RPS6KC1: variants seen among roughly 807,000 people sequenced by gnomAD.
The protein encoded by RPS6KC1 is inactive ribosomal protein S6 kinase delta-1.
Under a neutral mutation model 103.8 loss-of-function variants are expected in RPS6KC1, and 54 were observed. The ratio of observed to expected loss-of-function variants is 0.52; its 90% CI spans 0.42 to 0.65. The LOEUF is 0.65. Ranked by LOEUF, RPS6KC1 falls within the 30% of genes least tolerant of loss-of-function variation. The pLI is 0.00. For synonymous variants in RPS6KC1, 439 were observed against 438.7 expected, an observed-to-expected ratio of 1.00 and a Z score of -0.01; for missense variants, 1,151 against 1,253.8, an observed-to-expected ratio of 0.92 and a Z score of 1.24.
the RPS6KC1 span, among the ~76,000 whole-genome samples, chr1:213,445,577 T>G: frequency 1.3e-5 from 2 of 152,062 alleles, no homozygotes; most frequent in East Asian, 3.9e-4. Flanking sequence ...GGACTTAGAG[T>G]GCAGGAAGCA....
At chr1:213,517,634 G>C in the RPS6KC1 span, among the ~76,000 whole-genome samples, 1 of 152,180 alleles carries the variant, frequency 6.6e-6, no homozygotes, top group African/African-American at 2.4e-5. Flanking sequence ...TTGCTGAGGA[G>C]TGCTTTACTT....
the RPS6KC1 span, among the ~76,000 whole-genome samples, chr1:213,374,022 G>C: frequency 6.6e-6 from 1 of 152,140 alleles, no homozygotes; most frequent in Non-Finnish European, 1.5e-5. Context: ...AATAAGAGTG[G>C]CATGTATAAG....
At chr1:213,193,125 C>T (rs61834139) in intron 8 of RPS6KC1, among the ~76,000 whole-genome samples, 1,807 of 150,714 alleles carry the variant, frequency 0.012, 11 homozygotes, top group East Asian at 0.026. Flanking sequence ...GCCATATGGT[C>T]TGTCCTTGAA....
chr1:213,499,843 A>G, the RPS6KC1 span, among the ~76,000 whole-genome samples: 1 of 152,252 alleles, frequency 6.6e-6, no homozygotes, highest in Non-Finnish European at 1.5e-5. Flanking sequence ...AAGTATTTGC[A>G]TATTTAAACA....
chr1:213,620,200 T>G, the RPS6KC1 span, among the ~76,000 whole-genome samples: 1 of 152,246 alleles, frequency 6.6e-6, no homozygotes, highest in East Asian at 1.9e-4. Context: ...CACCACTTTA[T>G]TATATTTCCC....
the RPS6KC1 span, among the ~76,000 whole-genome samples, chr1:213,408,985 G>T: frequency 6.6e-6 from 1 of 152,076 alleles, no homozygotes; most frequent in Non-Finnish European, 1.5e-5. Context: ...TCACTGGAAG[G>T]TCTTCCTCTG....
At chr1:213,095,641 G>T (rs993388212) in intron 3 of RPS6KC1, among the ~76,000 whole-genome samples, 2 of 152,158 alleles carry the variant, frequency 1.3e-5, no homozygotes, top group East Asian at 3.8e-4. Context: ...ATACCTCAGA[G>T]ATATTGCAGA....
At chr1:213,432,620 C>A in the RPS6KC1 span, among the ~76,000 whole-genome samples, 164 of 152,228 alleles carry the variant, frequency 1.1e-3, 1 homozygote, top group Middle Eastern at 6.8e-3. Flanking sequence ...AATGGGACAA[C>A]CTTCCACCTC....
chr1:213,306,763 C>T, the RPS6KC1 span, among the ~76,000 whole-genome samples: 12 of 152,276 alleles, frequency 7.9e-5, no homozygotes, highest in African/African-American at 2.9e-4. Flanking sequence ...AAGAGCTCAG[C>T]GGTCCATTCA....
At chr1:213,051,856 T>C (rs566390526) in intron 1 of RPS6KC1, among the ~76,000 whole-genome samples, 1 of 152,330 alleles carries the variant, frequency 6.6e-6, no homozygotes, top group Non-Finnish European at 1.5e-5. Flanking sequence ...AGGAAGATAA[T>C]GCAGATTAAA....
chr1:213,450,333 A>ATTT, the RPS6KC1 span, among the ~76,000 whole-genome samples: 5 of 138,052 alleles, frequency 3.6e-5, no homozygotes, highest in African/African-American at 1.3e-4. Context: ...GAGTTTGTAG[A>ATTT]TTTTTTTTTT....
the RPS6KC1 span, among the ~76,000 whole-genome samples, chr1:213,647,361 T>G: frequency 2.0e-5 from 3 of 152,290 alleles, no homozygotes; most frequent in South Asian, 6.2e-4. Flanking sequence ...TAGAATTTGT[T>G]TTTCACTCCT....
chr1:213,849,167 C>T, the RPS6KC1 span, among the ~76,000 whole-genome samples: 1 of 152,272 alleles, frequency 6.6e-6, no homozygotes, highest in Middle Eastern at 3.4e-3. Context: ...CTCCAAGCAG[C>T]TGCTAAGAAA....
At chr1:213,114,312 CTT>C (rs1051431471) in intron 4 of RPS6KC1, among the ~76,000 whole-genome samples, 1 of 116,984 alleles carries the variant, frequency 8.5e-6, no homozygotes, top group African/African-American at 3.7e-5. Context: ...ATTTTATTCT[CTT>C]TGAAGCAATT....
the RPS6KC1 span, among the ~76,000 whole-genome samples, chr1:213,829,098 A>ATC: frequency 2.6e-5 from 4 of 152,126 alleles, no homozygotes; most frequent in African/African-American, 9.7e-5. Flanking sequence ...CCACTTATGA[A>ATC]TCTTGTAGTC....
rs1038692127 is a variant in RPS6KC1 at position 213,051,535 on chromosome 1, A to G, written c.105+26A>G. On this transcript the variant is annotated intron_variant, in intron 1 of 14. Coordinates refer to ENST00000366960, the MANE Select transcript of RPS6KC1 (RefSeq NM_012424.6). ...GTGAGTGCCGGTGTCGGGCTGGGGT[A>G]GAGCTTGGATTGGGACCTGAGGATC... 6 of 1,544,732 alleles carry G rather than the reference A, an allele frequency of 3.9e-6. No homozygotes were observed. In the African/African-American group the frequency reaches 6.8e-5, roughly 18 times the overall value.
chr1:213,237,331 A>G (rs533972967), intron 10 of RPS6KC1, among the ~76,000 whole-genome samples: 13 of 152,222 alleles, frequency 8.5e-5, no homozygotes, highest in Non-Finnish European at 1.8e-4. Flanking sequence ...CATCTGTAAA[A>G]TAGAGATAAT....
the RPS6KC1 span, among the ~76,000 whole-genome samples, chr1:213,441,070 C>T: frequency 9.2e-5 from 14 of 152,174 alleles, no homozygotes; most frequent in East Asian, 3.9e-4. Context: ...CACAGCTCTT[C>T]GGGGGATTCT....
chr1:213,845,916 T>C, the RPS6KC1 span, among the ~76,000 whole-genome samples: 1 of 152,096 alleles, frequency 6.6e-6, no homozygotes, highest in Non-Finnish European at 1.5e-5. Flanking sequence ...CCTATGCCTT[T>C]AGGGACCCCT....
Sources: allele counts gnomAD v4.1 joint callset (sites outside exome capture counted in the v4.1 genomes callset), GRCh38; gene constraint gnomAD v4.1.1; transcripts MANE v1.5; gene names NCBI Gene and HGNC (gene_info 2026-07-23, HGNC 2026-07-21).